The following EEF1E1 variants were observed in gnomAD, a reference collection of about 807,000 sequenced individuals.
The protein encoded by EEF1E1 is eukaryotic translation elongation factor 1 epsilon-1.
In EEF1E1, 19 loss-of-function variants were observed where a neutral mutation model predicts 19.9. That is an observed-to-expected ratio of 0.95 (90% CI 0.66 to 1.40). The LOEUF (loss-of-function observed/expected upper bound fraction) is 1.40, where lower values mean the gene tolerates loss of function less well. Ranked by LOEUF, EEF1E1 falls within the 40% of genes most tolerant of loss-of-function variation. EEF1E1 has a pLI of 0.00. For missense variants in EEF1E1, 198 were observed against 202.2 expected, an observed-to-expected ratio of 0.98 and a Z score of 0.13; for synonymous variants, 81 against 80.0, an observed-to-expected ratio of 1.01 and a Z score of -0.07.
intron 3 of EEF1E1, among the ~76,000 whole-genome samples, chr6:8,080,523 T>C (rs1304926103): frequency 6.6e-6 from 1 of 152,210 alleles, no homozygotes; most frequent in Non-Finnish European, 1.5e-5. Context: ...ATAATTCTGT[T>C]TGCAATAAAG....
At chr6:8,098,308 C>T (rs565206264) in intron 1 of EEF1E1, among the ~76,000 whole-genome samples, 10 of 151,912 alleles carry the variant, frequency 6.6e-5, no homozygotes, top group African/African-American at 1.4e-4. Context: ...TTAGTAGAGA[C>T]GGGGTTTCAC....
intron 1 of EEF1E1, 74 bp downstream of exon 1, chr6:8,102,361 C>G: frequency 1.4e-6 from 2 of 1,456,408 alleles, no homozygotes; most frequent in South Asian, 1.2e-5. Flanking sequence ...TGGTGGCCGG[C>G]CCGGGTCCTG....
At chr6:8,095,012 AGTAGGCT>A (rs1758126671) in intron 2 of EEF1E1, among the ~76,000 whole-genome samples, 1 of 152,214 alleles carries the variant, frequency 6.6e-6, no homozygotes, top group African/African-American at 2.4e-5. Flanking sequence ...TGCAGTTAAC[AGTAGGCT>A]ATTAGCAATT....
At chr6:8,102,158 A>G (rs6918033) in intron 1 of EEF1E1, 1 of 1,273,158 alleles carries the variant, frequency 7.9e-7, no homozygotes, top group Admixed American at 3.4e-5. Context: ...CCCTCCTCCA[A>G]CTGGTTTTGT....
rs114514860 is a variant in EEF1E1 at position 8,081,898 on chromosome 6, T to G, written c.385-1868A>C. Among the ~76,000 whole-genome samples, 234 of 152,358 alleles carry G rather than the reference T, an allele frequency of 1.5e-3. 1 individual carries two copies. The highest frequency in any genetic ancestry group is 5.4e-3 in the African/African-American group (225 of 41,588). ...ACCTCTTTCTTACCATTTTAGTCCT[T>G]TCATCGCTCTTTCATTTCAGATAAT... is the stretch of plus-strand genomic sequence containing the variant. On this transcript the variant is annotated intron_variant, in intron 3 of 3. Coordinates refer to ENST00000379715, the MANE Select transcript of EEF1E1 (RefSeq NM_004280.5).
downstream of EEF1E1, among the ~76,000 whole-genome samples, chr6:8,076,965 T>C (rs796263697): frequency 1.8e-4 from 22 of 120,116 alleles, no homozygotes; most frequent in South Asian, 5.5e-4. Context: ...TTTTTTGAGA[T>C]GGAGTCTCGC....
intron 2 of EEF1E1, among the ~76,000 whole-genome samples, chr6:8,091,869 C>T (rs538015085): frequency 6.6e-6 from 1 of 152,298 alleles, no homozygotes; most frequent in East Asian, 1.9e-4. Flanking sequence ...CATTTTGTTC[C>T]GATTCTCAAA....
chr6:8,080,514 T>C (rs1188429645), intron 3 of EEF1E1, among the ~76,000 whole-genome samples: 1 of 152,206 alleles, frequency 6.6e-6, no homozygotes, highest in African/African-American at 2.4e-5. Context: ...CAGACCTTCA[T>C]AATTCTGTTT....
At chr6:8,073,644 T>G in intron 3 of EEF1E1, 1 of 1,270,556 alleles carries the variant, frequency 7.9e-7, no homozygotes, top group South Asian at 1.7e-5. Flanking sequence ...TAAAAAGTAT[T>G]AACAGATCTT....
At chr6:8,097,592 C>T in intron 1 of EEF1E1, 125 bp from the exon 2 acceptor site, 1 of 690,302 alleles carries the variant, frequency 1.4e-6, no homozygotes, top group Non-Finnish European at 2.4e-6. Flanking sequence ...CTCTAAGATA[C>T]TAAATTACAT....
intron 3 of EEF1E1, among the ~76,000 whole-genome samples, chr6:8,086,144 T>C (rs1308112400): frequency 6.6e-6 from 1 of 152,114 alleles, no homozygotes; most frequent in East Asian, 1.9e-4. Context: ...TAAAGTCAAG[T>C]AAATTCAAAC....
At chr6:8,089,623 C>G (rs894481613) in intron 3 of EEF1E1, among the ~76,000 whole-genome samples, 1 of 152,182 alleles carries the variant, frequency 6.6e-6, no homozygotes, top group Non-Finnish European at 1.5e-5. Context: ...GTCTGCCTTC[C>G]CCAGCCCACT....
At chr6:8,078,242 C>A (rs750953200), downstream of EEF1E1, among the ~76,000 whole-genome samples, 1 of 152,084 alleles carries the variant, frequency 6.6e-6, no homozygotes, top group Non-Finnish European at 1.5e-5. Context: ...CACTTAGGGG[C>A]TACTGTAAGG....
At chr6:8,101,240 AAAAATATAT>A (rs1470582586) in intron 1 of EEF1E1, among the ~76,000 whole-genome samples, 2 of 76,230 alleles carry the variant, frequency 2.6e-5, no homozygotes, top group Admixed American at 1.6e-4. Flanking sequence ...AAAAAAAAAA[AAAAATATAT>A]ATATATATAT....
chr6:8,078,686 C>G, downstream of EEF1E1: 1 of 1,286,082 alleles, frequency 7.8e-7, no homozygotes, highest in South Asian at 1.2e-5. Flanking sequence ...CAGAGACAAA[C>G]ATGGGGGCCT....
At chr6:8,074,373 AGTCAG>A (rs1757545225) in intron 3 of EEF1E1, among the ~76,000 whole-genome samples, 1 of 152,210 alleles carries the variant, frequency 6.6e-6, no homozygotes, top group African/African-American at 2.4e-5. Flanking sequence ...TACTGAGCTC[AGTCAG>A]CTCAGTACAT....
Position 8,097,261 on chromosome 6 carries a change from C to G in EEF1E1, c.288+6G>C, listed in dbSNP as rs555608470. On this transcript the variant is annotated splice_donor_region_variant and intron_variant, in intron 2 of 3. Coordinates refer to ENST00000379715, the MANE Select transcript of EEF1E1 (RefSeq NM_004280.5). ...GCATTTCAGCCTATAAGAGAAGTCA[C>G]GATACCTTCAACAGTGTGTGGATGT... 2 of 1,613,548 alleles carry G rather than the reference C, an allele frequency of 1.2e-6. No homozygotes were observed. Among genetic ancestry groups the G allele is most frequent in the Non-Finnish European group, 1.7e-6 (2 of 1,179,532 alleles).
At chr6:8,085,389 G>C (rs1757826990) in intron 3 of EEF1E1, among the ~76,000 whole-genome samples, 1 of 151,918 alleles carries the variant, frequency 6.6e-6, no homozygotes, top group Admixed American at 6.6e-5. Context: ...CTGGGCTCAA[G>C]CTATCTACCT....
At chr6:8,079,337 A>G (rs1757670263), downstream of EEF1E1, 1 of 869,704 alleles carries the variant, frequency 1.1e-6, no homozygotes, top group South Asian at 5.3e-5. Flanking sequence ...AGGGCAGTTC[A>G]GTAGTTAGTT....
Sources: allele counts gnomAD v4.1 joint callset (sites outside exome capture counted in the v4.1 genomes callset), GRCh38; gene constraint gnomAD v4.1.1; transcripts MANE v1.5; gene names NCBI Gene and HGNC (gene_info 2026-07-23, HGNC 2026-07-21).